Variants in ADAMTSL1 observed in about 807,000 individuals in gnomAD.
The protein encoded by ADAMTSL1 is ADAMTS-like protein 1.
In ADAMTSL1, 126 loss-of-function variants were observed where a neutral mutation model predicts 201.8. The observed-to-expected ratio is 0.62, with a 90% CI of 0.54 to 0.72. ADAMTSL1 has a LOEUF of 0.72. Among genes scored for constraint, ADAMTSL1 ranks in the 30% least tolerant of loss-of-function variants. The pLI, the probability that ADAMTSL1 is intolerant of heterozygous loss-of-function variation, is 0.00. For missense variants in ADAMTSL1, 2,679 were observed against 2,277.8 expected, an observed-to-expected ratio of 1.18 and a Z score of -3.59; for synonymous variants, 1,121 against 903.4, an observed-to-expected ratio of 1.24 and a Z score of -4.32.
At chr9:18,358,730 G>C (rs1486912383) in intron 2 of ADAMTSL1, among the ~76,000 whole-genome samples, 1 of 152,112 alleles carries the variant, frequency 6.6e-6, no homozygotes, top group East Asian at 1.9e-4. Context: ...TGCCTAAATA[G>C]TGTTCTATTT....
chr9:18,852,977 C>G (rs1826594773), intron 23 of ADAMTSL1, among the ~76,000 whole-genome samples: 1 of 152,150 alleles, frequency 6.6e-6, no homozygotes, highest in African/African-American at 2.4e-5. Flanking sequence ...TGAAGCCTGC[C>G]TTTCTAGCCA....
chr9:18,798,271 C>A (rs4977440), intron 20 of ADAMTSL1, among the ~76,000 whole-genome samples: 1 of 152,004 alleles, frequency 6.6e-6, no homozygotes, highest in Non-Finnish European at 1.5e-5. Context: ...GCTCTGGAGC[C>A]TTAGGGTCTA....
At chr9:17,955,059 C>G (rs920545283) in intron 1 of ADAMTSL1, among the ~76,000 whole-genome samples, 2 of 152,094 alleles carry the variant, frequency 1.3e-5, no homozygotes, top group Admixed American at 1.3e-4. Flanking sequence ...TGTACACATA[C>G]ACATGTATAT....
intron 2 of ADAMTSL1, among the ~76,000 whole-genome samples, chr9:18,316,001 A>C (rs924089557): frequency 6.6e-6 from 1 of 152,218 alleles, no homozygotes; most frequent in African/African-American, 2.4e-5. Context: ...ACAGAGTACA[A>C]AAGAGAGAAA....
intron 23 of ADAMTSL1, among the ~76,000 whole-genome samples, chr9:18,885,312 C>T (rs1193755888): frequency 6.6e-6 from 1 of 152,168 alleles, no homozygotes; most frequent in Non-Finnish European, 1.5e-5. Context: ...GGACAGAGCC[C>T]TCATGGCCTG....
intron 1 of ADAMTSL1, among the ~76,000 whole-genome samples, chr9:18,140,888 G>T (rs1386894321): frequency 6.6e-6 from 1 of 152,176 alleles, no homozygotes; most frequent in African/African-American, 2.4e-5. Context: ...CCAAAATTAG[G>T]CTACTTGGAA....
rs531627596 is a variant in ADAMTSL1, at chr9:18,700,827, A to T, written c.1575-5920A>T. Among the ~76,000 whole-genome samples the T allele has an allele frequency of 2.6e-5, 4 of 152,282 alleles. No homozygotes were observed. In the East Asian group the frequency reaches 7.7e-4, roughly 29 times the overall value. On this transcript the variant is annotated intron_variant, in intron 13 of 28. Coordinates refer to ENST00000380548, the MANE Select transcript of ADAMTSL1 (RefSeq NM_001040272.6). Reference sequence around the variant, plus strand: ...GCCACTTGTTAATGATAAGATTTTTAAAAGGGAAAATCCATGATTCTCATG... The same window carrying T: ...GCCACTTGTTAATGATAAGATTTTTTAAAGGGAAAATCCATGATTCTCATG...
rs538682488 is a variant in ADAMTSL1 at position 18,269,975 on chromosome 9, G to A, written c.207+105994G>A. Reference sequence around the variant, plus strand: ...GTCTTTGGAACAGCAATTTTTGGAAGGTTTATAATCTAATGCCGTCTCTAC... The same window carrying A: ...GTCTTTGGAACAGCAATTTTTGGAAAGTTTATAATCTAATGCCGTCTCTAC... On this transcript the variant is annotated intron_variant, in intron 2 of 29. Coordinates refer to the ADAMTSL1 transcript ENST00000680146. 7.4e-4 allele frequency among the ~76,000 whole-genome samples: 113 copies of A among 151,990 alleles called. 3 individuals are homozygous for A. In the South Asian group the frequency reaches 0.023, roughly 31 times the overall value.
intron 3 of ADAMTSL1, among the ~76,000 whole-genome samples, chr9:18,546,478 C>A (rs935930130): frequency 9.9e-5 from 15 of 152,034 alleles, no homozygotes; most frequent in Non-Finnish European, 2.9e-5. Flanking sequence ...AGTAAATATA[C>A]TTTATAGCTC....
intron 2 of ADAMTSL1, among the ~76,000 whole-genome samples, chr9:18,269,307 A>T (rs1832263516): frequency 6.6e-6 from 1 of 152,178 alleles, no homozygotes; most frequent in Non-Finnish European, 1.5e-5. Flanking sequence ...AGCTTAGCAT[A>T]GGGTCTCTGC....
intron 23 of ADAMTSL1, among the ~76,000 whole-genome samples, chr9:18,834,394 A>C (rs1825185275): frequency 6.6e-6 from 1 of 151,888 alleles, no homozygotes. Context: ...CTTTGTGGAG[A>C]TCTTTCACCT....
chr9:18,397,170 C>A (rs550097165), intron 2 of ADAMTSL1, among the ~76,000 whole-genome samples: 16 of 152,172 alleles, frequency 1.1e-4, no homozygotes, highest in African/African-American at 3.6e-4. Context: ...ACTCTTTTAC[C>A]CTTATCCACA....
chr9:18,905,558 C>T, intron 26 of ADAMTSL1: 1 of 540,624 alleles, frequency 1.8e-6, no homozygotes, highest in Non-Finnish European at 3.4e-6. Context: ...TACCATTAGC[C>T]ATTTGCTGGC....
intron 1 of ADAMTSL1, among the ~76,000 whole-genome samples, chr9:18,057,828 G>A (rs1430810074): frequency 6.6e-6 from 1 of 152,200 alleles, no homozygotes; most frequent in Non-Finnish European, 1.5e-5. Flanking sequence ...TTAGGATTGA[G>A]TTTTAATGTC....
chr9:18,285,561 C>T (rs1832960267), intron 2 of ADAMTSL1, among the ~76,000 whole-genome samples: 1 of 152,016 alleles, frequency 6.6e-6, no homozygotes, highest in Non-Finnish European at 1.5e-5. Flanking sequence ...AACTCTGTAG[C>T]TATAACCTAC....
chr9:18,343,998 C>A (rs1835586643), intron 2 of ADAMTSL1, among the ~76,000 whole-genome samples: 1 of 152,160 alleles, frequency 6.6e-6, no homozygotes, highest in African/African-American at 2.4e-5. Context: ...ATTTCTTCAT[C>A]TTTAGTACAA....
intron 2 of ADAMTSL1, among the ~76,000 whole-genome samples, chr9:18,169,929 C>A (rs1424193947): frequency 6.6e-6 from 1 of 151,954 alleles, no homozygotes. Flanking sequence ...GGAATGCTCA[C>A]AACTATAACT....
intron 14 of ADAMTSL1, among the ~76,000 whole-genome samples, chr9:18,717,381 A>G (rs557231544): frequency 6.6e-6 from 1 of 152,030 alleles, no homozygotes; most frequent in Non-Finnish European, 1.5e-5. Flanking sequence ...AAGGACTATC[A>G]TATTTTAAAG....
chr9:18,657,596 C>A, intron 7 of ADAMTSL1, 43 bp from the exon 8 acceptor site: 1 of 1,476,322 alleles, frequency 6.8e-7, no homozygotes, highest in Non-Finnish European at 9.5e-7. Context: ...CCAGAAAGCA[C>A]CGCACTGTCA....
Sources: allele counts gnomAD v4.1 joint callset (sites outside exome capture counted in the v4.1 genomes callset), GRCh38; gene constraint gnomAD v4.1.1; transcripts MANE v1.5; gene names NCBI Gene and HGNC (gene_info 2026-07-23, HGNC 2026-07-21).